Variants in CNTN5 observed in about 807,000 individuals in gnomAD.
The protein encoded by CNTN5 is contactin 5.
CNTN5 carries 77 observed loss-of-function variants against 129.1 expected under a neutral mutation model. The ratio of observed to expected loss-of-function variants is 0.60; its 90% confidence interval spans 0.50 to 0.72. The LOEUF is 0.72. Ranked by LOEUF, CNTN5 falls within the 30% of genes least tolerant of loss-of-function variation. The pLI, the probability that CNTN5 is intolerant of heterozygous loss-of-function variation, is 0.00. For synonymous variants in CNTN5, 509 were observed against 465.6 expected (o/e 1.09, Z -1.20); for missense variants, 1,478 against 1,328.8 (o/e 1.11, Z -1.75).
chr11:99,897,403 G>T (rs992411773), intron 6 of CNTN5, among the ~76,000 whole-genome samples: 2 of 152,176 alleles, frequency 1.3e-5, no homozygotes, highest in South Asian at 2.1e-4. Flanking sequence ...TAGAGAAAAG[G>T]TTCAAATCAT....
chr11:99,528,550 A>C (rs1843520478), intron 2 of CNTN5, among the ~76,000 whole-genome samples: 1 of 152,216 alleles, frequency 6.6e-6, no homozygotes, highest in African/African-American at 2.4e-5. Flanking sequence ...TCACCAAAAG[A>C]GCTGAGATCT....
intron 8 of CNTN5, among the ~76,000 whole-genome samples, chr11:99,990,270 G>T (rs1591532934): frequency 6.6e-6 from 1 of 152,136 alleles, no homozygotes; most frequent in East Asian, 1.9e-4. Context: ...TTAAAATTTA[G>T]TAATCAGAAG....
intron 6 of CNTN5, among the ~76,000 whole-genome samples, chr11:99,914,978 G>A (rs1378295030): frequency 6.6e-6 from 1 of 151,888 alleles, no homozygotes; most frequent in African/African-American, 2.4e-5. Flanking sequence ...TATTAAATTT[G>A]AAGCTCTACC....
Position 100,149,668 on chromosome 11 carries a change from G to A in CNTN5, c.1581-41458G>A, listed in dbSNP as rs1016558700. ...AGCACTTTGGGAGGCCAAGGCAGGC[G>A]GATCACGAGGTCAGGAGATCGAGAC... On this transcript the variant is annotated intron_variant, in intron 13 of 24. Transcript: ENST00000524871. Among the ~76,000 whole-genome samples the A allele has an allele frequency of 5.3e-5, 8 of 151,840 alleles. 1 individual carries two copies. Among genetic ancestry groups the A allele is most frequent in the South Asian group, 4.2e-4 (2 of 4,810 alleles).
At chr11:99,776,231 A>G (rs1323947797) in intron 3 of CNTN5, among the ~76,000 whole-genome samples, 1 of 151,984 alleles carries the variant, frequency 6.6e-6, no homozygotes, top group Non-Finnish European at 1.5e-5. Context: ...ATTATGCTGC[A>G]GAAGCCACAC....
At chr11:100,310,833 T>C (rs1951456300) in intron 21 of CNTN5, among the ~76,000 whole-genome samples, 1 of 151,830 alleles carries the variant, frequency 6.6e-6, no homozygotes, top group South Asian at 2.1e-4. Context: ...AGTACTAGCG[T>C]GCTGGACTTC....
chr11:99,937,023 C>T (rs1442913912), intron 7 of CNTN5, among the ~76,000 whole-genome samples: 2 of 152,042 alleles, frequency 1.3e-5, no homozygotes, highest in Non-Finnish European at 2.9e-5. Context: ...TAAGGTAGGT[C>T]TCCATATTTT....
intron 16 of CNTN5, among the ~76,000 whole-genome samples, chr11:100,242,467 C>T (rs1409691034): frequency 2.0e-5 from 3 of 152,122 alleles, no homozygotes; most frequent in Non-Finnish European, 4.4e-5. Flanking sequence ...TTAATTGGCT[C>T]ACAGTTCCAC....
At chr11:99,738,600 A>G (rs1169089138) in intron 3 of CNTN5, among the ~76,000 whole-genome samples, 1 of 141,846 alleles carries the variant, frequency 7.0e-6, no homozygotes, top group African/African-American at 2.7e-5. Flanking sequence ...AAAATGATAC[A>G]TTCATAAGAC....
intron 2 of CNTN5, among the ~76,000 whole-genome samples, chr11:99,341,895 T>A (rs1278615203): frequency 6.6e-6 from 1 of 152,122 alleles, no homozygotes; most frequent in Non-Finnish European, 1.5e-5. Context: ...AGAAAAGTAC[T>A]GTGAGAGAAC....
intron 1 of CNTN5, among the ~76,000 whole-genome samples, chr11:99,076,943 T>C (rs1447896932): frequency 6.6e-6 from 1 of 152,218 alleles, no homozygotes; most frequent in Non-Finnish European, 1.5e-5. Context: ...GTTATTTTTC[T>C]GCTTCCAACC....
At chr11:99,691,544 T>G (rs1954040071) in intron 3 of CNTN5, among the ~76,000 whole-genome samples, 1 of 152,168 alleles carries the variant, frequency 6.6e-6, no homozygotes, top group African/African-American at 2.4e-5. Context: ...TTGATTTTCA[T>G]GTAGTTGTAT....
At chr11:100,285,630 T>G (rs1332380412) in intron 18 of CNTN5, among the ~76,000 whole-genome samples, 1 of 152,242 alleles carries the variant, frequency 6.6e-6, no homozygotes, top group African/African-American at 2.4e-5. Context: ...TTTCCACACA[T>G]TCAAATGTCT....
chr11:99,432,439 CCTTTTCTTTTCTTTT>C (rs1176549750), intron 2 of CNTN5, among the ~76,000 whole-genome samples: 1 of 113,214 alleles, frequency 8.8e-6, no homozygotes, highest in Admixed American at 1.0e-4. Context: ...CCTTTTCTTT[CCTTTTCTTTTCTTTT>C]CTTTTCTTTC....
chr11:99,842,520 A>G (rs117304066), intron 4 of CNTN5, among the ~76,000 whole-genome samples: 3,428 of 152,352 alleles, frequency 0.023, 60 homozygotes, highest in Non-Finnish European at 0.029. Context: ...TGGCTAAAAA[A>G]TACTACTACT....
chr11:100,062,146 G>A (rs1260278590), intron 10 of CNTN5, among the ~76,000 whole-genome samples: 2 of 152,094 alleles, frequency 1.3e-5, no homozygotes, highest in Non-Finnish European at 2.9e-5. Flanking sequence ...GTAAGTTAGG[G>A]TATTCTCATT....
At chr11:100,265,360 C>A (rs1158550024) in intron 17 of CNTN5, among the ~76,000 whole-genome samples, 1 of 152,114 alleles carries the variant, frequency 6.6e-6, no homozygotes, top group Non-Finnish European at 1.5e-5. Flanking sequence ...TCCAAAATAG[C>A]TCTTTTAGAT....
chr11:99,034,104 T>A (rs1340777715), intron 1 of CNTN5, among the ~76,000 whole-genome samples: 2 of 152,230 alleles, frequency 1.3e-5, no homozygotes, highest in Non-Finnish European at 2.9e-5. Context: ...CAGCCTTGCA[T>A]CCCAAGGATG....
chr11:100,310,741 A>G (rs553900967), intron 21 of CNTN5, among the ~76,000 whole-genome samples: 44 of 152,044 alleles, frequency 2.9e-4, no homozygotes, highest in Admixed American at 1.8e-3. Flanking sequence ...TGAGAAATCA[A>G]CCTTTCTGTG....
Sources: allele counts gnomAD v4.1 joint callset (sites outside exome capture counted in the v4.1 genomes callset), GRCh38; gene constraint gnomAD v4.1.1; transcripts MANE v1.5; gene names NCBI Gene and HGNC (gene_info 2026-07-23, HGNC 2026-07-21).